The following SORBS2 variants were observed in gnomAD, a reference collection of about 807,000 sequenced individuals.
SORBS2 encodes sorbin and SH3 domain containing 2, also known as sorbin and SH3 domain-containing protein 2.
SORBS2 carries 46 observed loss-of-function variants against 97.7 expected under a neutral mutation model. That is an observed-to-expected ratio of 0.47 (90% confidence interval 0.37 to 0.60). SORBS2 has a LOEUF of 0.60. Ranked by LOEUF, SORBS2 falls within the 20% of genes least tolerant of loss-of-function variation. The probability of loss-of-function intolerance (pLI) is 0.00; values close to 1 mark genes in which losing one functional copy is unlikely to be tolerated. For synonymous variants in SORBS2, 476 were observed against 473.4 expected (o/e 1.01, Z -0.07); for missense variants, 1,316 against 1,282.3 (o/e 1.03, Z -0.40).
At chr4:185,868,159 C>CTTTCTTTTTTTTTTTTTTTTTTTTTT (rs59057506) in intron 1 of SORBS2, among the ~76,000 whole-genome samples, 1 of 105,222 alleles carries the variant, frequency 9.5e-6, no homozygotes, top group African/African-American at 3.9e-5. Context: ...TTTTTTCTTT[C>CTTTCTTTTTTTTTTTTTTTTTTTTTT]TTTTTTTTTT....
intron 1 of SORBS2, among the ~76,000 whole-genome samples, chr4:185,777,036 T>G (rs2099003572): frequency 1.3e-5 from 2 of 152,194 alleles, no homozygotes; most frequent in South Asian, 4.1e-4. Flanking sequence ...TGGAAAATAC[T>G]GAGGATTATG....
At chr4:185,650,533 G>A (rs901290146) in intron 2 of SORBS2, among the ~76,000 whole-genome samples, 8 of 152,170 alleles carry the variant, frequency 5.3e-5, no homozygotes, top group African/African-American at 1.9e-4. Context: ...TATCACTGCT[G>A]TTCCATTCAC....
At chr4:185,760,594 T>G (rs1315287001) in intron 2 of SORBS2, among the ~76,000 whole-genome samples, 1 of 152,168 alleles carries the variant, frequency 6.6e-6, no homozygotes, top group African/African-American at 2.4e-5. Context: ...TGCATCTGTA[T>G]AGGCATCCTA....
intron 1 of SORBS2, among the ~76,000 whole-genome samples, chr4:185,869,379 G>T (rs2099229126): frequency 6.6e-6 from 1 of 152,168 alleles, no homozygotes. Context: ...GAAAACAGTA[G>T]ATATAGGCAG....
chr4:185,799,897 G>A (rs2099122418), intron 1 of SORBS2, among the ~76,000 whole-genome samples: 1 of 152,172 alleles, frequency 6.6e-6, no homozygotes, highest in African/African-American at 2.4e-5. Flanking sequence ...CCGACAATGT[G>A]TGAGTCCAAA....
At chr4:185,889,861 C>A (rs1324764854) in intron 1 of SORBS2, among the ~76,000 whole-genome samples, 1 of 152,108 alleles carries the variant, frequency 6.6e-6, no homozygotes, top group Non-Finnish European at 1.5e-5. Context: ...TCCACTCACT[C>A]CCCCACAATT....
intron 2 of SORBS2, among the ~76,000 whole-genome samples, chr4:185,731,126 T>C (rs1259924497): frequency 6.6e-6 from 1 of 152,192 alleles, no homozygotes; most frequent in African/African-American, 2.4e-5. Flanking sequence ...AAATCCTTTC[T>C]TTCTTTCATC....
intron 1 of SORBS2, among the ~76,000 whole-genome samples, chr4:185,833,457 C>T (rs558019360): frequency 1.4e-4 from 22 of 152,296 alleles, no homozygotes; most frequent in Admixed American, 4.6e-4. Context: ...TAATTAAATC[C>T]TTTCAAATGA....
At chr4:185,757,696 A>G (rs979906763) in intron 2 of SORBS2, among the ~76,000 whole-genome samples, 2 of 152,186 alleles carry the variant, frequency 1.3e-5, no homozygotes, top group African/African-American at 2.4e-5. Flanking sequence ...TAGCAGAGAG[A>G]AGCCTAGGTG....
chr4:185,615,149 A>T, exon 10 of SORBS2: 1 of 1,600,494 alleles, frequency 6.2e-7, no homozygotes, highest in Non-Finnish European at 8.6e-7. Context: ...CCTTTCTTAA[A>T]TGACAACTCC....
chr4:185,650,489 A>G (rs2097295172), intron 2 of SORBS2, among the ~76,000 whole-genome samples: 1 of 152,232 alleles, frequency 6.6e-6, no homozygotes, highest in Non-Finnish European at 1.5e-5. Context: ...TCCACTGATC[A>G]AATGATCAGC....
rs1021541868 is a variant in SORBS2 at position 185,630,541 on chromosome 4, A to G, written c.446+8T>C. On this transcript the variant is annotated splice_region_variant and intron_variant, in intron 5 of 14. Coordinates refer to ENST00000418609, the Ensembl canonical transcript of SORBS2. ...GAATATTCTGCTACAACATAATAAG[A>G]TTCTTACCTCATGGGTCTTTCCAGG... 4 of 1,560,412 alleles carry G rather than the reference A, an allele frequency of 2.6e-6. No homozygotes were observed. Among genetic ancestry groups the G allele is most frequent in the Admixed American group, 1.8e-5 (1 of 55,608 alleles).
At chr4:185,658,160 C>A (rs774498890), upstream of SORBS2, among the ~76,000 whole-genome samples, 8 of 152,058 alleles carry the variant, frequency 5.3e-5, no homozygotes, top group Non-Finnish European at 1.0e-4. Flanking sequence ...CACATCCAAG[C>A]CTTTGGACAT....
exon 4 of SORBS2, chr4:185,678,425 G>A: frequency 6.5e-7 from 1 of 1,549,622 alleles, no homozygotes; most frequent in Non-Finnish European, 8.7e-7. Context: ...AGGGTTACCT[G>A]AGTTGGTGAT....
At chr4:185,935,997 G>T (rs879902103) in intron 1 of SORBS2, among the ~76,000 whole-genome samples, 1 of 152,152 alleles carries the variant, frequency 6.6e-6, no homozygotes, top group Non-Finnish European at 1.5e-5. Context: ...GATTACAGGT[G>T]TGCACCACCA....
intron 1 of SORBS2, among the ~76,000 whole-genome samples, chr4:185,903,598 T>G (rs980581579): frequency 2.0e-4 from 31 of 152,170 alleles, no homozygotes; most frequent in African/African-American, 6.8e-4. Flanking sequence ...CCAGATATGT[T>G]TTTTTGGAAT....
chr4:185,879,069 C>T (rs200707426), intron 1 of SORBS2, among the ~76,000 whole-genome samples: 5 of 151,538 alleles, frequency 3.3e-5, no homozygotes, highest in South Asian at 2.1e-4. Flanking sequence ...ATGTGCACAA[C>T]GTGCAGGTTT....
chr4:185,671,490 A>T (rs575164508), intron 4 of SORBS2, among the ~76,000 whole-genome samples: 55 of 152,284 alleles, frequency 3.6e-4, no homozygotes, highest in Admixed American at 1.4e-3. Context: ...TGTAAAATAT[A>T]GGCATGGATA....
intron 4 of SORBS2, 133 bp from the exon 14 acceptor site, chr4:185,639,168 T>C: frequency 1.3e-6 from 1 of 780,864 alleles, no homozygotes; most frequent in South Asian, 2.2e-5. Context: ...GAAGTGTCCC[T>C]AGGGACCCAG....
Sources: gnomAD v4.1 joint callset for allele counts (sites outside exome capture counted in the v4.1 genomes callset) on GRCh38, gnomAD v4.1.1 for gene constraint, MANE v1.5 for transcripts, NCBI Gene and HGNC (gene_info 2026-07-23, HGNC 2026-07-21) for gene names.